PDE7B: variants seen among roughly 807,000 people sequenced by gnomAD.
PDE7B encodes the protein phosphodiesterase 7B, also known as 3',5'-cyclic-AMP phosphodiesterase 7B.
PDE7B carries 29 observed loss-of-function variants against 56.2 expected under a neutral mutation model. The observed-to-expected ratio is 0.52, with a 90% CI of 0.38 to 0.70. PDE7B has a LOEUF of 0.70. Among genes scored for constraint, PDE7B ranks in the 30% least tolerant of loss-of-function variants. The probability of loss-of-function intolerance (pLI) is 0.00; values close to 1 mark genes in which losing one functional copy is unlikely to be tolerated. For missense variants in PDE7B, 490 were observed against 565.0 expected (o/e 0.87, Z 1.35); for synonymous variants, 197 against 196.9 (o/e 1.00, Z 0.00).
rs1776708232 is a variant in PDE7B at position 136,055,138 on chromosome 6, C to T, written c.83-53593C>T. 2.0e-5 allele frequency among the ~76,000 whole-genome samples: 3 copies of T among 152,162 alleles called. No homozygotes were observed. In the South Asian group the frequency reaches 6.2e-4, roughly 32 times the overall value. ...CAAATGTCTGGCACAGACCAAAGGC[C>T]AATCTAAAATCATTTCTGCTATCTA... is the stretch of plus-strand genomic sequence containing the variant. On this transcript the variant is annotated intron_variant, in intron 2 of 12. Coordinates refer to ENST00000308191, the MANE Select transcript of PDE7B (RefSeq NM_018945.4).
intron 8 of PDE7B, among the ~76,000 whole-genome samples, chr6:136,161,156 T>C (rs1181795064): frequency 6.6e-6 from 1 of 152,198 alleles, no homozygotes; most frequent in Non-Finnish European, 1.5e-5. Flanking sequence ...TCTTACTTGC[T>C]CATCCTTTTG....
At chr6:135,948,415 C>G (rs1774627478) in intron 2 of PDE7B, among the ~76,000 whole-genome samples, 1 of 151,906 alleles carries the variant, frequency 6.6e-6, no homozygotes, top group Non-Finnish European at 1.5e-5. Context: ...TTCATTTTAG[C>G]ATTTTCTATT....
chr6:136,169,732 T>C (rs1220368808), intron 8 of PDE7B, among the ~76,000 whole-genome samples: 5 of 152,208 alleles, frequency 3.3e-5, no homozygotes, highest in Non-Finnish European at 7.4e-5. Flanking sequence ...CACTAATCTA[T>C]CACTCTTCTC....
chr6:136,121,984 G>T (rs1181569981), intron 3 of PDE7B, among the ~76,000 whole-genome samples: 1 of 152,044 alleles, frequency 6.6e-6, no homozygotes, highest in African/African-American at 2.4e-5. Flanking sequence ...TGATGGTCTT[G>T]AATGCCAATT....
chr6:135,926,179 T>C lies in PDE7B; in HGVS notation c.22-21285T>C, dbSNP rs569974919. ...TCGGCTCACTGCAAGCTCCGCCTCC[T>C]GGGTTCACGCCATTCTCCTGCCTCA... On this transcript the variant is annotated intron_variant, in intron 1 of 12. Transcript: ENST00000308191. Among the ~76,000 whole-genome samples the C allele has an allele frequency of 4.1e-3, 603 of 146,086 alleles. 4 individuals are homozygous for C. Among genetic ancestry groups the C allele is most frequent in the African/African-American group, 8.1e-3 (323 of 40,108 alleles).
chr6:136,097,194 T>C (rs1248230148), intron 2 of PDE7B, among the ~76,000 whole-genome samples: 1 of 152,206 alleles, frequency 6.6e-6, no homozygotes, highest in Non-Finnish European at 1.5e-5. Flanking sequence ...TATAAATTTG[T>C]ATCTCCATCC....
At chr6:135,874,699 T>C (rs1775457606) in intron 1 of PDE7B, among the ~76,000 whole-genome samples, 2 of 152,210 alleles carry the variant, frequency 1.3e-5, no homozygotes, top group African/African-American at 2.4e-5. Flanking sequence ...TTTTCTGTAA[T>C]TGTTGGAAAC....
At position 136,181,328 on chromosome 6, in the gene PDE7B, G is replaced by C. The variant is rs1172763016; in HGVS notation, c.1045+5G>C. On this transcript the variant is annotated splice_donor_5th_base_variant and intron_variant, in intron 11 of 12. Transcript: ENST00000308191. ...GTGAAGAATTCTACAGGCAAGGTTA[G>C]TAGTGATCCAACAGCTGAGATTTCA... is the stretch of plus-strand genomic sequence containing the variant. The C allele has an allele frequency of 6.4e-7, 1 of 1,557,370 alleles. No homozygotes were observed. Among genetic ancestry groups the C allele is most frequent in the Non-Finnish European group, 8.9e-7 (1 of 1,128,334 alleles).
At chr6:136,116,466 A>T (rs534534237) in intron 3 of PDE7B, among the ~76,000 whole-genome samples, 92 of 152,344 alleles carry the variant, frequency 6.0e-4, no homozygotes, top group African/African-American at 2.2e-3. Flanking sequence ...ATCCAAAGAA[A>T]TGTAATCAGG....
chr6:135,894,217 C>T lies in PDE7B; in HGVS notation c.21+42198C>T, dbSNP rs191428070. ...AGTTTGGGAAGGCTTATTTATTAGA[C>T]GTTTTAAACTAGTTCCTAGTTTATT... On this transcript the variant is annotated intron_variant, in intron 1 of 12. Transcript: ENST00000308191. Among the ~76,000 whole-genome samples the T allele has an allele frequency of 5.7e-4, 87 of 152,160 alleles. 1 individual carries two copies. The highest frequency in any genetic ancestry group is 4.5e-3 in the Admixed American group (69 of 15,278).
chr6:135,893,679 C>A (rs1775849189), intron 1 of PDE7B, among the ~76,000 whole-genome samples: 1 of 152,130 alleles, frequency 6.6e-6, no homozygotes, highest in South Asian at 2.1e-4. Context: ...ACCCAAAGGA[C>A]TATAAATCAT....
intron 6 of PDE7B, among the ~76,000 whole-genome samples, chr6:136,151,711 G>A (rs947160362): frequency 1.0e-4 from 6 of 57,150 alleles, no homozygotes; most frequent in East Asian, 6.0e-4. Flanking sequence ...GGAGGCGGGC[G>A]TATCACAAGG....
At chr6:136,008,095 G>A (rs141095514) in intron 2 of PDE7B, among the ~76,000 whole-genome samples, 4,980 of 147,112 alleles carry the variant, frequency 0.034, 123 homozygotes, top group Non-Finnish European at 0.048. Flanking sequence ...TTGGTTTTTT[G>A]TCGTTGCAAT....
chr6:136,031,365 G>A lies in PDE7B; in HGVS notation c.83-77366G>A, dbSNP rs1472593190. On this transcript the variant is annotated intron_variant, in intron 2 of 12. Coordinates refer to ENST00000308191, the MANE Select transcript of PDE7B (RefSeq NM_018945.4). ...AATGGAATCCCCAGGTTATTCAAATGCACATTAATATTTGAGAAGCCTTGA... is the reference window on the plus strand; with the variant it reads ...AATGGAATCCCCAGGTTATTCAAATACACATTAATATTTGAGAAGCCTTGA... 5.9e-5 allele frequency among the ~76,000 whole-genome samples: 9 copies of A among 152,134 alleles called. No individual in the cohort carries two copies. The East Asian group carries it at 1.3e-3, about 23-fold the overall frequency.
At chr6:135,890,104 TG>T (rs1775784888) in intron 1 of PDE7B, among the ~76,000 whole-genome samples, 1 of 152,106 alleles carries the variant, frequency 6.6e-6, no homozygotes, top group Admixed American at 6.6e-5. Flanking sequence ...GGGACATGAG[TG>T]TACCAATTGT....
At chr6:136,167,473 C>G (rs1457252825) in intron 8 of PDE7B, among the ~76,000 whole-genome samples, 1 of 152,132 alleles carries the variant, frequency 6.6e-6, no homozygotes, top group Non-Finnish European at 1.5e-5. Context: ...CACAAGCTCT[C>G]TCTCTTCACC....
At chr6:136,068,914 C>T (rs888806252) in intron 2 of PDE7B, among the ~76,000 whole-genome samples, 3 of 152,136 alleles carry the variant, frequency 2.0e-5, no homozygotes, top group Admixed American at 6.5e-5. Context: ...GGGTAAAATA[C>T]TTCGATTTCT....
chr6:135,910,835 T>C (rs932594404), intron 1 of PDE7B, among the ~76,000 whole-genome samples: 1 of 152,090 alleles, frequency 6.6e-6, no homozygotes, highest in African/African-American at 2.4e-5. Context: ...TTGCATTATC[T>C]CGACACAGCC....
chr6:135,873,273 T>C (rs1280484339), intron 1 of PDE7B, among the ~76,000 whole-genome samples: 15 of 152,164 alleles, frequency 9.9e-5, no homozygotes, highest in Admixed American at 9.8e-4. Flanking sequence ...AAACACAAAA[T>C]GACATGACAG....
Sources: allele counts gnomAD v4.1 joint callset (sites outside exome capture counted in the v4.1 genomes callset), GRCh38; gene constraint gnomAD v4.1.1; transcripts MANE v1.5; gene names NCBI Gene and HGNC (gene_info 2026-07-23, HGNC 2026-07-21).